Variants in SPAG16 observed in about 807,000 individuals in gnomAD.
The protein encoded by SPAG16 is sperm associated antigen 16.
A neutral mutation model predicts 80.4 loss-of-function variants in SPAG16; 86 were observed. The observed-to-expected ratio is 1.07, with a 90% CI of 0.90 to 1.28. SPAG16 has a LOEUF of 1.28. SPAG16 is among the 50% of genes most tolerant of loss of function. SPAG16 has a pLI of 0.00. For missense variants in SPAG16, 870 were observed against 765.3 expected (o/e 1.14, Z -1.61); for synonymous variants, 294 against 265.9 (o/e 1.11, Z -1.03).
intron 15 of SPAG16, among the ~76,000 whole-genome samples, chr2:214,232,728 A>G (rs988117737): frequency 6.6e-6 from 1 of 152,056 alleles, no homozygotes; most frequent in Non-Finnish European, 1.5e-5. Context: ...TGTATATTCA[A>G]TGACTATATT....
intron 4 of SPAG16, 51 bp from the exon 5 acceptor site, chr2:213,317,168 C>A: frequency 1.6e-6 from 2 of 1,237,268 alleles, no homozygotes; most frequent in Non-Finnish European, 2.2e-6. Flanking sequence ...TAAATTAAGC[C>A]AATTTGGCAG....
chr2:214,053,538 C>T (rs2049772982), intron 13 of SPAG16, among the ~76,000 whole-genome samples: 1 of 152,092 alleles, frequency 6.6e-6, no homozygotes, highest in South Asian at 2.1e-4. Context: ...GCAAAAGAAA[C>T]CTTTCCCCAG....
chr2:213,307,797 C>T (rs2063013885), intron 3 of SPAG16, among the ~76,000 whole-genome samples: 1 of 152,016 alleles, frequency 6.6e-6, no homozygotes, highest in South Asian at 2.1e-4. Flanking sequence ...TTTACAGTCC[C>T]ACCAACAGTG....
chr2:213,405,612 C>A (rs1389899300), intron 9 of SPAG16, among the ~76,000 whole-genome samples: 1 of 152,162 alleles, frequency 6.6e-6, no homozygotes, highest in African/African-American at 2.4e-5. Context: ...CATTAACCAA[C>A]CTCTCTGCCT....
intron 12 of SPAG16, among the ~76,000 whole-genome samples, chr2:213,984,974 C>T (rs1056628186): frequency 2.6e-5 from 4 of 152,092 alleles, no homozygotes; most frequent in Non-Finnish European, 1.5e-5. Flanking sequence ...TTAAGTGGTA[C>T]CTTCCAATAC....
chr2:213,420,706 G>A (rs893834704), intron 9 of SPAG16, among the ~76,000 whole-genome samples: 2 of 152,162 alleles, frequency 1.3e-5, no homozygotes, highest in African/African-American at 4.8e-5. Flanking sequence ...CCACTATGGA[G>A]TTTCTAGAAG....
intron 15 of SPAG16, among the ~76,000 whole-genome samples, chr2:214,233,240 T>G (rs1356502989): frequency 1.3e-5 from 2 of 151,974 alleles, no homozygotes; most frequent in East Asian, 3.9e-4. Flanking sequence ...CAATAGTCTC[T>G]TTCTTGACCT....
At chr2:213,907,287 A>G (rs919395361) in intron 11 of SPAG16, among the ~76,000 whole-genome samples, 1 of 152,152 alleles carries the variant, frequency 6.6e-6, no homozygotes, top group African/African-American at 2.4e-5. Context: ...GATTCTCAAC[A>G]TCACTAATCC....
chr2:213,789,862 T>C (rs1015663980), intron 10 of SPAG16, among the ~76,000 whole-genome samples: 2 of 151,978 alleles, frequency 1.3e-5, no homozygotes, highest in Non-Finnish European at 2.9e-5. Flanking sequence ...TAAAAATAAT[T>C]TGTAAATCCC....
intron 10 of SPAG16, among the ~76,000 whole-genome samples, chr2:213,556,324 A>AC (rs937441113): frequency 7.3e-5 from 11 of 151,054 alleles, no homozygotes; most frequent in African/African-American, 2.4e-5. Context: ...AAAAAAAAAA[A>AC]AAACAAGATC....
rs201573975 is a variant in SPAG16, at chr2:214,183,153, C to T, written c.1720+33887C>T. Among the ~76,000 whole-genome samples the T allele has an allele frequency of 2.3e-4, 35 of 152,012 alleles. No individual in the cohort carries two copies. In the East Asian group the frequency reaches 6.4e-3, roughly 28 times the overall value. ...CCCTATTTGAATTACTGCCCGCTTC[C>T]CTCACTTTGAAAATCCATACATCTA... On this transcript the variant is annotated intron_variant, in intron 15 of 15. Coordinates refer to ENST00000331683, the MANE Select transcript of SPAG16 (RefSeq NM_024532.5).
At chr2:213,633,376 G>C (rs1295082346) in intron 10 of SPAG16, among the ~76,000 whole-genome samples, 1 of 151,964 alleles carries the variant, frequency 6.6e-6, no homozygotes, top group Non-Finnish European at 1.5e-5. Flanking sequence ...ATACCATTGT[G>C]GTCAGAGAAG....
At chr2:214,192,956 A>G (rs1467010531) in intron 15 of SPAG16, among the ~76,000 whole-genome samples, 1 of 152,094 alleles carries the variant, frequency 6.6e-6, no homozygotes, top group East Asian at 1.9e-4. Context: ...AGAGAAGCAG[A>G]TCAGGGAAGG....
At chr2:214,175,302 AATAT>A (rs1338809385) in intron 15 of SPAG16, among the ~76,000 whole-genome samples, 1 of 69,400 alleles carries the variant, frequency 1.4e-5, no homozygotes, top group Non-Finnish European at 4.6e-5. Flanking sequence ...TATATAAAGA[AATAT>A]ATATATAAAG....
intron 13 of SPAG16, among the ~76,000 whole-genome samples, chr2:214,056,253 T>G (rs2049936567): frequency 6.6e-6 from 1 of 150,656 alleles, no homozygotes; most frequent in Non-Finnish European, 1.5e-5. Flanking sequence ...TGTCTTGAAT[T>G]TTTTTTTGCA....
chr2:214,176,274 T>C (rs2057076116), intron 15 of SPAG16, among the ~76,000 whole-genome samples: 2 of 150,772 alleles, frequency 1.3e-5, no homozygotes, highest in South Asian at 4.2e-4. Context: ...AAGAAACTTC[T>C]TTTTTTAAAA....
intron 14 of SPAG16, among the ~76,000 whole-genome samples, chr2:214,139,017 G>C (rs1450686811): frequency 1.3e-5 from 2 of 152,122 alleles, no homozygotes; most frequent in Non-Finnish European, 2.9e-5. Flanking sequence ...AACACTGTTT[G>C]AATTTATTTC....
intron 15 of SPAG16, among the ~76,000 whole-genome samples, chr2:214,169,698 A>G (rs1372605796): frequency 6.6e-6 from 1 of 152,030 alleles, no homozygotes; most frequent in East Asian, 1.9e-4. Flanking sequence ...ATCTAAGATG[A>G]TTGGGAGCCT....
At chr2:213,892,524 A>T (rs542073226) in intron 11 of SPAG16, among the ~76,000 whole-genome samples, 1 of 152,210 alleles carries the variant, frequency 6.6e-6, no homozygotes, top group Non-Finnish European at 1.5e-5. Flanking sequence ...AAGAATTCAA[A>T]ATGGTAGTTT....
Sources: gnomAD v4.1 joint callset for allele counts (sites outside exome capture counted in the v4.1 genomes callset) on GRCh38, gnomAD v4.1.1 for gene constraint, MANE v1.5 for transcripts, NCBI Gene and HGNC (gene_info 2026-07-23, HGNC 2026-07-21) for gene names.